Variants in FAM167A observed in about 807,000 individuals in gnomAD.
The protein encoded by FAM167A is protein FAM167A.
Under a neutral mutation model 14.9 loss-of-function variants are expected in FAM167A, and 23 were observed. The ratio of observed to expected loss-of-function variants is 1.55; its 90% CI spans 1.11 to 2.19. The LOEUF is 2.19. FAM167A is among the 30% of genes most tolerant of loss of function. The pLI is 0.00. For synonymous variants in FAM167A, 174 were observed against 117.7 expected (o/e 1.48, Z -3.10); for missense variants, 401 against 281.5 (o/e 1.42, Z -3.04).
At chr8:11,473,540 C>G (rs936857054) in intron 1 of FAM167A, among the ~76,000 whole-genome samples, 1 of 152,208 alleles carries the variant, frequency 6.6e-6, no homozygotes, top group African/African-American at 2.4e-5. Context: ...AAAATCAACT[C>G]TAACCCACTG....
At position 11,434,995 on chromosome 8, in the gene FAM167A, G is replaced by C. The variant is rs113334489; in HGVS notation, c.381+9036C>G. 1,804 of 455,978 alleles carry C rather than the reference G, an allele frequency of 4.0e-3. 20 individuals carry two copies. The highest frequency in any genetic ancestry group is 0.033 in the African/African-American group (1,664 of 50,134). 28.2% of individuals were successfully genotyped at this position (455,978 alleles called of 1,614,324 possible). A position where few individuals can be genotyped will look rare whatever the true frequency, so the allele number is the denominator to read the frequency against. On this transcript the variant is annotated intron_variant, in intron 2 of 2. Coordinates refer to ENST00000284486, the MANE Select transcript of FAM167A (RefSeq NM_053279.3). ...CTGCATTTGGGTCCTCTGCACCTCAGCTCCCAGCATCTGGGCCTCCTCCCT... is the reference window on the plus strand; with the variant it reads ...CTGCATTTGGGTCCTCTGCACCTCACCTCCCAGCATCTGGGCCTCCTCCCT...
chr8:11,441,865 G>A (rs368277916), intron 2 of FAM167A, among the ~76,000 whole-genome samples: 6 of 152,234 alleles, frequency 3.9e-5, no homozygotes, highest in African/African-American at 1.4e-4. Context: ...ACATTTTTGT[G>A]ATTTACATTT....
chr8:11,430,956 G>A (rs118083590), intron 2 of FAM167A, among the ~76,000 whole-genome samples: 1 of 152,292 alleles, frequency 6.6e-6, no homozygotes, highest in Non-Finnish European at 1.5e-5. Flanking sequence ...CTCGGAGCTG[G>A]GTGGAATAAA....
chr8:11,470,741 C>T (rs201875904), upstream of FAM167A, among the ~76,000 whole-genome samples: 5 of 152,262 alleles, frequency 3.3e-5, no homozygotes, highest in East Asian at 1.9e-4. Flanking sequence ...CATCCCTGCC[C>T]TGCTCCAGGC....
At chr8:11,426,604 G>C (rs1805178235) in intron 2 of FAM167A, among the ~76,000 whole-genome samples, 1 of 152,068 alleles carries the variant, frequency 6.6e-6, no homozygotes, top group Non-Finnish European at 1.5e-5. Context: ...GCAGGTCTAT[G>C]CCTTTCCTCA....
At chr8:11,429,075 T>C (rs1040478780) in intron 2 of FAM167A, among the ~76,000 whole-genome samples, 2 of 152,124 alleles carry the variant, frequency 1.3e-5, no homozygotes, top group Non-Finnish European at 2.9e-5. Flanking sequence ...TCCAGAGCTC[T>C]TTTTATCGTT....
intron 1 of FAM167A, among the ~76,000 whole-genome samples, chr8:11,474,338 C>T (rs1269871588): frequency 6.6e-6 from 1 of 152,198 alleles, no homozygotes; most frequent in Non-Finnish European, 1.5e-5. Context: ...TTTGTCTTCC[C>T]AGAGCATGAG....
rs1045695298 is a variant in FAM167A at position 11,423,475 on chromosome 8, T to C, written c.*898A>G. ...GGGCCTCTGGGCTCCCTAGATTGTC[T>C]TTCCAGAGAGGGCAGTAAGGTGACA... On this transcript the variant is annotated 3_prime_UTR_variant, in exon 3 of 3. Transcript: ENST00000284486. 6.6e-6 allele frequency: 1 copy of C among 152,570 alleles called. No individual in the cohort carries two copies. The highest frequency in any genetic ancestry group is 1.5e-5 in the Non-Finnish European group (1 of 68,044). 9.5% of individuals were successfully genotyped at this position (152,570 alleles called of 1,614,324 possible).
At chr8:11,460,218 T>G (rs1312214011) in intron 1 of FAM167A, among the ~76,000 whole-genome samples, 1 of 152,238 alleles carries the variant, frequency 6.6e-6, no homozygotes, top group Non-Finnish European at 1.5e-5. Flanking sequence ...CACTCCGGCT[T>G]TAGGCAGCCC....
intron 1 of FAM167A, among the ~76,000 whole-genome samples, chr8:11,454,763 G>A (rs1452189959): frequency 6.6e-6 from 1 of 152,224 alleles, no homozygotes. Flanking sequence ...TTCTGCCCGG[G>A]TTTAATCAGA....
At chr8:11,435,990 G>T (rs919310294) in intron 2 of FAM167A, among the ~76,000 whole-genome samples, 4 of 152,178 alleles carry the variant, frequency 2.6e-5, no homozygotes. Flanking sequence ...CCCAGCTCCT[G>T]GGTGCCGGGT....
intron 1 of FAM167A, among the ~76,000 whole-genome samples, chr8:11,464,419 T>C (rs549866488): frequency 6.6e-6 from 1 of 152,144 alleles, no homozygotes; most frequent in South Asian, 2.1e-4. Flanking sequence ...CCTAAACTCT[T>C]TTCCCACCCT....
intron 1 of FAM167A, among the ~76,000 whole-genome samples, chr8:11,473,494 G>A (rs1184564630): frequency 1.3e-5 from 2 of 152,212 alleles, no homozygotes; most frequent in Admixed American, 6.5e-5. Flanking sequence ...AAGAGATACT[G>A]AGGACAAAGC....
intron 2 of FAM167A, chr8:11,438,101 G>A (rs1274962954): frequency 1.5e-5 from 7 of 456,396 alleles, no homozygotes; most frequent in East Asian, 6.9e-5. Context: ...ACCCCAGCAC[G>A]GAAGCCAGGC....
intron 2 of FAM167A, among the ~76,000 whole-genome samples, chr8:11,435,366 T>C (rs1369372675): frequency 6.6e-6 from 1 of 152,248 alleles, no homozygotes; most frequent in African/African-American, 2.4e-5. Context: ...TTTTTTATCA[T>C]GTGTCTAGAT....
At chr8:11,435,976 T>C (rs1462638146) in intron 2 of FAM167A, among the ~76,000 whole-genome samples, 1 of 152,234 alleles carries the variant, frequency 6.6e-6, no homozygotes, top group Non-Finnish European at 1.5e-5. Context: ...CATGTGGCGC[T>C]TGCCCCAGCT....
At chr8:11,458,584 G>T (rs2117139529) in intron 1 of FAM167A, among the ~76,000 whole-genome samples, 1 of 152,254 alleles carries the variant, frequency 6.6e-6, no homozygotes, top group Middle Eastern at 3.4e-3. Flanking sequence ...TGGCAATAGT[G>T]ACTGGGCCTG....
intron 2 of FAM167A, among the ~76,000 whole-genome samples, chr8:11,435,654 A>G (rs1805955636): frequency 1.3e-5 from 2 of 152,192 alleles, no homozygotes. Context: ...GGCAGCCAGT[A>G]GAAAGGACAG....
Position 11,421,797 on chromosome 8 carries a change from A to T in FAM167A, c.*2576T>A. Reference sequence around the variant, plus strand: ...AGAGAGATGGATGGATAATGAGTACAACTGCAAACAGCACTGTACACATGT... The same window carrying T: ...AGAGAGATGGATGGATAATGAGTACTACTGCAAACAGCACTGTACACATGT... On this transcript the variant is annotated 3_prime_UTR_variant, in exon 3 of 3. Coordinates refer to ENST00000284486, the MANE Select transcript of FAM167A (RefSeq NM_053279.3). 1 of 398,882 alleles carries T rather than the reference A, an allele frequency of 2.5e-6. No homozygotes were observed. The highest frequency in any genetic ancestry group is 4.4e-6 in the Non-Finnish European group (1 of 226,074). The allele number at this position is 398,882 out of a possible 1,614,324, so 24.7% of individuals were successfully genotyped here.
Sources: gnomAD v4.1 joint callset for allele counts (sites outside exome capture counted in the v4.1 genomes callset) on GRCh38, gnomAD v4.1.1 for gene constraint, MANE v1.5 for transcripts, NCBI Gene and HGNC (gene_info 2026-07-23, HGNC 2026-07-21) for gene names.